MAPK10: variants seen among roughly 807,000 people sequenced by gnomAD.
MAPK10 encodes JNK3 alpha protein kinase.
MAPK10 carries 25 observed loss-of-function variants against 59.3 expected under a neutral mutation model. That is an observed-to-expected ratio of 0.42 (90% CI 0.31 to 0.59). The LOEUF is 0.59. Ranked by LOEUF, MAPK10 falls within the 20% of genes least tolerant of loss-of-function variation. MAPK10 has a pLI of 0.15. For synonymous variants in MAPK10, 190 were observed against 200.5 expected (o/e 0.95, Z 0.44); for missense variants, 351 against 568.9 (o/e 0.62, Z 3.90).
intron 1 of MAPK10, among the ~76,000 whole-genome samples, chr4:86,559,185 C>CA (rs779469282): frequency 1.2e-4 from 18 of 151,364 alleles, no homozygotes; most frequent in Middle Eastern, 6.8e-3. Context: ...GAGACATCCC[C>CA]AAAAATTTAT....
chr4:86,162,569 C>T (rs940821083), intron 3 of MAPK10, among the ~76,000 whole-genome samples: 10 of 151,998 alleles, frequency 6.6e-5, no homozygotes, highest in Non-Finnish European at 8.8e-5. Context: ...CAGGTATTTA[C>T]GCATGTGAAC....
chr4:86,541,796 C>A (rs1299258859), intron 1 of MAPK10, among the ~76,000 whole-genome samples: 4 of 152,140 alleles, frequency 2.6e-5, no homozygotes, highest in Non-Finnish European at 5.9e-5. Context: ...CTTCCAAAGC[C>A]TGGGTGTTTT....
chr4:86,108,189 G>A (rs1273696639), intron 4 of MAPK10, among the ~76,000 whole-genome samples: 1 of 152,018 alleles, frequency 6.6e-6, no homozygotes, highest in Non-Finnish European at 1.5e-5. Flanking sequence ...CTTTCACACC[G>A]AGATTGAAAA....
intron 2 of MAPK10, among the ~76,000 whole-genome samples, chr4:86,194,934 C>T (rs543521416): frequency 3.6e-4 from 54 of 151,796 alleles, no homozygotes; most frequent in Middle Eastern, 3.5e-3. Flanking sequence ...AAGGAATATA[C>T]TATATTTGTG....
At chr4:86,321,177 C>G (rs958556810) in intron 2 of MAPK10, among the ~76,000 whole-genome samples, 1 of 151,924 alleles carries the variant, frequency 6.6e-6, no homozygotes, top group Non-Finnish European at 1.5e-5. Context: ...GTCAGTGTGG[C>G]GATTCCTCAA....
intron 4 of MAPK10, among the ~76,000 whole-genome samples, chr4:86,136,035 T>C (rs2061996982): frequency 6.6e-6 from 1 of 152,090 alleles, no homozygotes; most frequent in African/African-American, 2.4e-5. Flanking sequence ...TGGGACTATG[T>C]GAAAAGACCA....
chr4:86,484,849 C>T (rs1753869439), intron 1 of MAPK10, among the ~76,000 whole-genome samples: 1 of 152,104 alleles, frequency 6.6e-6, no homozygotes, highest in Non-Finnish European at 1.5e-5. Context: ...TCTTATAACA[C>T]AGAATATACT....
At chr4:86,384,896 A>G (rs1485276364) in intron 1 of MAPK10, among the ~76,000 whole-genome samples, 1 of 152,196 alleles carries the variant, frequency 6.6e-6, no homozygotes, top group Non-Finnish European at 1.5e-5. Flanking sequence ...GAAAAAGGAA[A>G]AAACAGATAT....
chr4:86,292,597 C>T (rs551538831), intron 2 of MAPK10, among the ~76,000 whole-genome samples: 1 of 152,286 alleles, frequency 6.6e-6, no homozygotes, highest in African/African-American at 2.4e-5. Context: ...TGGTGTCTGC[C>T]TGTAGTCCTA....
At chr4:86,581,899 TTATATATA>T (rs67303972) in intron 1 of MAPK10, among the ~76,000 whole-genome samples, 2,982 of 91,200 alleles carry the variant, frequency 0.033, 87 homozygotes, top group Middle Eastern at 0.056. Flanking sequence ...GCTATATATA[TTATATATA>T]TATATATATA....
chr4:86,219,367 T>G lies in MAPK10; in HGVS notation c.-6-24960A>C, dbSNP rs150312693. Among the ~76,000 whole-genome samples the G allele has an allele frequency of 6.7e-3, 1,020 of 152,286 alleles. 6 individuals are homozygous for G. The highest frequency in any genetic ancestry group is 0.014 in the Middle Eastern group (4 of 294). On this transcript the variant is annotated intron_variant, in intron 2 of 13. Transcript: ENST00000641462. Reference sequence around the variant, plus strand: ...CACTTAGCAGCATAAAGATTTCTGTTTGGTTTTTCTAATTGGCCAGTACTA... The same window carrying G: ...CACTTAGCAGCATAAAGATTTCTGTGTGGTTTTTCTAATTGGCCAGTACTA...
chr4:86,170,767 A>G lies in MAPK10; in HGVS notation c.67-11300T>C, dbSNP rs963197331. The stretch of plus-strand genomic sequence containing the variant: ...ACTCTCCACCCCAAATCAACAGAAT[A>G]TACATTTTTTTCAGCGCCACACCAC... On this transcript the variant is annotated intron_variant, in intron 3 of 13. Transcript: ENST00000641462. 5.2e-4 allele frequency among the ~76,000 whole-genome samples: 79 copies of G among 150,602 alleles called. 1 individual carries two copies. Among genetic ancestry groups the G allele is most frequent in the African/African-American group, 1.8e-3 (75 of 40,660 alleles).
intron 1 of MAPK10, among the ~76,000 whole-genome samples, chr4:86,376,602 T>G (rs1739848048): frequency 6.6e-6 from 1 of 152,168 alleles, no homozygotes; most frequent in African/African-American, 2.4e-5. Context: ...TCCCTAATAG[T>G]TAACATAGTG....
At chr4:86,033,520 C>G (rs2039543607) in intron 11 of MAPK10, among the ~76,000 whole-genome samples, 1 of 152,192 alleles carries the variant, frequency 6.6e-6, no homozygotes, top group Non-Finnish European at 1.5e-5. Flanking sequence ...TTCATAAATG[C>G]CATTTTCTTT....
intron 1 of MAPK10, chr4:86,358,331 A>G: frequency 7.1e-6 from 7 of 985,436 alleles, no homozygotes; most frequent in Non-Finnish European, 8.4e-6. Flanking sequence ...TGAGGGATAG[A>G]AGGAGATATT....
At chr4:86,317,907 A>G (rs1315190828) in intron 2 of MAPK10, among the ~76,000 whole-genome samples, 1 of 152,182 alleles carries the variant, frequency 6.6e-6, no homozygotes, top group Non-Finnish European at 1.5e-5. Flanking sequence ...AAGGCTCTAG[A>G]GGAGCCTCGT....
chr4:86,512,139 T>G (rs1481387323), intron 1 of MAPK10, among the ~76,000 whole-genome samples: 1 of 152,280 alleles, frequency 6.6e-6, no homozygotes, highest in East Asian at 1.9e-4. Context: ...TTAAGGTAAC[T>G]TTTTTCTTAA....
intron 9 of MAPK10, among the ~76,000 whole-genome samples, chr4:86,070,506 G>C (rs1204726870): frequency 2.0e-5 from 3 of 150,272 alleles, no homozygotes; most frequent in Non-Finnish European, 4.4e-5. Context: ...TCGTCATCTA[G>C]CATTAGGTAT....
At chr4:86,161,986 G>A (rs959037655) in intron 3 of MAPK10, among the ~76,000 whole-genome samples, 2 of 151,876 alleles carry the variant, frequency 1.3e-5, no homozygotes, top group African/African-American at 2.4e-5. Flanking sequence ...AACGATTCAT[G>A]TCACTTATCT....
Sources: gnomAD v4.1 joint callset for allele counts (sites outside exome capture counted in the v4.1 genomes callset) on GRCh38, gnomAD v4.1.1 for gene constraint, MANE v1.5 for transcripts, NCBI Gene and HGNC (gene_info 2026-07-23, HGNC 2026-07-21) for gene names.